AGO2: variants seen among roughly 807,000 people sequenced by gnomAD.
AGO2 encodes the protein argonaute RISC catalytic component 2.
A neutral mutation model predicts 102.3 loss-of-function variants in AGO2; 5 were observed. That is an observed-to-expected ratio of 0.05 (90% CI 0.03 to 0.10). AGO2 has a LOEUF of 0.10. Ranked by LOEUF, AGO2 falls within the 10% of genes least tolerant of loss-of-function variation. The pLI, the probability that AGO2 is intolerant of heterozygous loss-of-function variation, is 1.00. For synonymous variants in AGO2, 449 were observed against 473.1 expected, an observed-to-expected ratio of 0.95 and a Z score of 0.66; for missense variants, 541 against 1,183.7, an observed-to-expected ratio of 0.46 and a Z score of 7.97.
At chr8:140,546,934 C>A (rs2072911128) in intron 13 of AGO2, among the ~76,000 whole-genome samples, 1 of 152,184 alleles carries the variant, frequency 6.6e-6, no homozygotes, top group Non-Finnish European at 1.5e-5. Flanking sequence ...TCCATCACCC[C>A]CAACCCCCGT....
At chr8:140,619,015 A>C (rs2074179886) in intron 1 of AGO2, among the ~76,000 whole-genome samples, 1 of 152,032 alleles carries the variant, frequency 6.6e-6, no homozygotes, top group South Asian at 2.1e-4. Context: ...TGGAAACCCC[A>C]CGGCGGCATG....
intron 3 of AGO2, among the ~76,000 whole-genome samples, chr8:140,566,536 C>T (rs1208531579): frequency 6.6e-6 from 1 of 151,984 alleles, no homozygotes; most frequent in Non-Finnish European, 1.5e-5. Flanking sequence ...ACTGAAAATG[C>T]ACATTTGGCA....
At chr8:140,594,394 T>C (rs1457927762) in intron 1 of AGO2, among the ~76,000 whole-genome samples, 1 of 152,208 alleles carries the variant, frequency 6.6e-6, no homozygotes, top group Non-Finnish European at 1.5e-5. Context: ...TAAAATTTAA[T>C]AACCTTTTAT....
rs1250288402 is a variant in AGO2, at chr8:140,521,129, C to A, written c.*10915G>T. The A allele has an allele frequency of 6.6e-6, 1 of 152,124 alleles. No homozygotes were observed. Among genetic ancestry groups the A allele is most frequent in the Non-Finnish European group, 1.5e-5 (1 of 68,030 alleles). The allele number at this position is 152,124 out of a possible 1,614,324, so 9.4% of individuals were successfully genotyped here. On this transcript the variant is annotated 3_prime_UTR_variant, in exon 19 of 19. Coordinates refer to ENST00000220592, the MANE Select transcript of AGO2 (RefSeq NM_012154.5). Reference sequence around the variant, plus strand: ...CTTGAGGTACCTATATAAATTTAATCACCTGCCCCAAAGTCCTCTCGTTAG... The same window carrying A: ...CTTGAGGTACCTATATAAATTTAATAACCTGCCCCAAAGTCCTCTCGTTAG...
chr8:140,612,419 GGCTGCAGTTCTACA>G (rs1165059894), intron 1 of AGO2, among the ~76,000 whole-genome samples: 1 of 151,942 alleles, frequency 6.6e-6, no homozygotes, highest in African/African-American at 2.4e-5. Flanking sequence ...GATCCATTCG[GGCTGCAGTTCTACA>G]GCTGCGGATT....
At chr8:140,563,473 G>A (rs904759942) in intron 3 of AGO2, among the ~76,000 whole-genome samples, 6 of 152,116 alleles carry the variant, frequency 3.9e-5, no homozygotes, top group African/African-American at 9.7e-5. Flanking sequence ...TGGGCTCAAG[G>A]GATCCTCCCA....
At chr8:140,621,421 G>A (rs752246138) in intron 1 of AGO2, among the ~76,000 whole-genome samples, 1 of 152,278 alleles carries the variant, frequency 6.6e-6, no homozygotes, top group East Asian at 1.9e-4. Context: ...CCGTGAGCTC[G>A]CAAGGCAGAA....
At position 140,528,105 on chromosome 8, in the gene AGO2, C is replaced by T. The variant is rs933367633; in HGVS notation, c.*3939G>A. On this transcript the variant is annotated 3_prime_UTR_variant, in exon 19 of 19. Coordinates refer to ENST00000220592, the MANE Select transcript of AGO2 (RefSeq NM_012154.5). This position sits in a 1 kb window ranked among gnomAD's most constrained non-coding sequence, Gnocchi z 4.5. The stretch of plus-strand genomic sequence containing the variant: ...TGTAAAAATAAAATTTAAACCACCC[C>T]GCAGATCAATGTAAAATTACATTGC... 3.9e-5 allele frequency: 6 copies of T among 152,148 alleles called. No individual in the cohort carries two copies. The highest frequency in any genetic ancestry group is 3.3e-4 in the Admixed American group (5 of 15,284). The allele number at this position is 152,148 out of a possible 1,614,324, so 9.4% of individuals were successfully genotyped here.
chr8:140,606,625 G>C (rs1369794252), intron 1 of AGO2, among the ~76,000 whole-genome samples: 1 of 152,180 alleles, frequency 6.6e-6, no homozygotes, highest in African/African-American at 2.4e-5. Flanking sequence ...GCAAGGCTTG[G>C]AAGCGTAGCA....
chr8:140,635,789 CGCGGCG>C (rs528099474), upstream of AGO2, among the ~76,000 whole-genome samples: 6 of 129,580 alleles, frequency 4.6e-5, no homozygotes, highest in Non-Finnish European at 3.3e-5. Flanking sequence ...GGGCGGGGTC[CGCGGCG>C]GCGGCGGCGG....
chr8:140,570,321 G>C (rs2073358479), intron 3 of AGO2, among the ~76,000 whole-genome samples: 1 of 152,176 alleles, frequency 6.6e-6, no homozygotes, highest in South Asian at 2.1e-4. Context: ...CATCTCCCGG[G>C]TTCGAGTGAT....
intron 1 of AGO2, among the ~76,000 whole-genome samples, chr8:140,594,498 T>C (rs2073792710): frequency 1.3e-5 from 2 of 152,056 alleles, no homozygotes; most frequent in African/African-American, 2.4e-5. Context: ...TGCAAAAGGA[T>C]GATTTTTGGC....
intron 4 of AGO2, among the ~76,000 whole-genome samples, chr8:140,561,032 C>T (rs916503048): frequency 2.6e-5 from 4 of 152,190 alleles, no homozygotes; most frequent in African/African-American, 4.8e-5. Flanking sequence ...AGGTAGGCTC[C>T]GAGGCCCCGG....
chr8:140,544,518 G>T (rs893118512), intron 13 of AGO2, among the ~76,000 whole-genome samples: 1 of 152,222 alleles, frequency 6.6e-6, no homozygotes, highest in Non-Finnish European at 1.5e-5. Flanking sequence ...GGGGGGCTTG[G>T]GTGGAGTGTA....
intron 1 of AGO2, among the ~76,000 whole-genome samples, chr8:140,607,105 T>C (rs4961224): frequency 0.79 from 119,884 of 151,852 alleles, 47,604 homozygotes; most frequent in Admixed American, 0.84. Flanking sequence ...CGAAATTAGC[T>C]GGGCGTGGTG....
chr8:140,639,734 C>T (rs2074430373), upstream of AGO2, among the ~76,000 whole-genome samples: 1 of 152,190 alleles, frequency 6.6e-6, no homozygotes, highest in Non-Finnish European at 1.5e-5. Flanking sequence ...AACTGTGCCA[C>T]TGCATTCCAG....
rs2074398194 is a variant in AGO2, at chr8:140,635,593, G to T, written c.-87C>A. ...CGCCGCGAGCCGCGAGGGAGCCGCC[G>T]GCCGCACGATCCGCCCCGGCGCGGC... On this transcript the variant is annotated 5_prime_UTR_variant, in exon 1 of 19. Transcript: ENST00000220592. The T allele has an allele frequency of 1.1e-6, 1 of 915,802 alleles. No homozygotes were observed. The highest frequency in any genetic ancestry group is 1.8e-5 in the African/African-American group (1 of 55,246). 56.7% of individuals were successfully genotyped at this position (915,802 alleles called of 1,614,324 possible). A position where few individuals can be genotyped will look rare whatever the true frequency, so the allele number is the denominator to read the frequency against.
At chr8:140,622,396 C>T (rs1392786715) in intron 1 of AGO2, among the ~76,000 whole-genome samples, 2 of 272 alleles carry the variant, frequency 7.4e-3, no homozygotes, top group East Asian at 0.17. Context: ...GGTCTCCTCT[C>T]GGGGGAATAA....
intron 16 of AGO2, among the ~76,000 whole-genome samples, chr8:140,537,329 T>C (rs1449871060): frequency 6.6e-6 from 1 of 151,386 alleles, no homozygotes; most frequent in Non-Finnish European, 1.5e-5. Context: ...TTCTTTTCTT[T>C]TTTTTTTTTT....
Sources: gnomAD v4.1 joint callset for allele counts (sites outside exome capture counted in the v4.1 genomes callset) on GRCh38, gnomAD v4.1.1 for gene constraint, Gnocchi (gnomAD v3.1) non-coding constraint, MANE v1.5 for transcripts, NCBI Gene and HGNC (gene_info 2026-07-23, HGNC 2026-07-21) for gene names.